Variants in KNL1 observed in about 807,000 individuals in gnomAD.
The protein encoded by KNL1 is outer kinetochore KNL1 complex subunit KNL1.
In KNL1, 66 loss-of-function variants were observed where a neutral mutation model predicts 201.3. The observed-to-expected ratio is 0.33, with a 90% CI of 0.27 to 0.40. The LOEUF is 0.40. KNL1 is among the 10% of genes least tolerant of loss of function. The pLI is 1.00. For synonymous variants in KNL1, 895 were observed against 899.2 expected (o/e 1.00, Z 0.08); for missense variants, 2,815 against 2,690.5 (o/e 1.05, Z -1.02).
chr15:40,630,621 A>G (rs906913307), intron 13 of KNL1, among the ~76,000 whole-genome samples: 3 of 152,104 alleles, frequency 2.0e-5, no homozygotes, highest in Non-Finnish European at 2.9e-5. Context: ...TCACAGAAGC[A>G]CGAACCCTAT....
Position 40,617,975 on chromosome 15 carries a change from T to TAAAAAAAAAAAAAA in KNL1, c.323-958_323-945dup, listed in dbSNP as rs71104706. On this transcript the variant is annotated intron_variant, in intron 8 of 25. Coordinates refer to ENST00000399668, the MANE Select transcript of KNL1 (RefSeq NM_144508.5). ...CCTGAAATATAAATAAGGCTTTTAG[T>TAAAAAAAAAAAAAA]AAAAAAAAAAAAAAAAAAAAAAAAA... Among the ~76,000 whole-genome samples the TAAAAAAAAAAAAAA allele has an allele frequency of 4.4e-4, 21 of 47,230 alleles. 3 individuals carry two copies. The highest frequency in any genetic ancestry group is 6.4e-4 in the Non-Finnish European group (19 of 29,534). The allele number at this position is 47,230 out of a possible 152,430, so 31.0% of individuals were successfully genotyped here.
At chr15:40,599,781 G>A (rs1326248863) in intron 1 of KNL1, among the ~76,000 whole-genome samples, 1 of 142,262 alleles carries the variant, frequency 7.0e-6, no homozygotes, top group East Asian at 2.1e-4. Flanking sequence ...ATATTAAACC[G>A]ATTATGTATT....
chr15:40,625,508 A>G lies in KNL1; in HGVS notation c.5244A>G (p.Pro1748=). 4.3e-6 allele frequency: 7 copies of G among 1,612,354 alleles called. No homozygotes were observed. The highest frequency in any genetic ancestry group is 5.9e-6 in the Non-Finnish European group (7 of 1,179,652). ...AGACATACCAAAAAGAGATTTCACC[A>G]TATGAAAATAAAATGGGAAAAACTT... ...LIETYQKEIS[P]YENKMGKTCN... The change falls in exon 10 of 26, where the codon CCA becomes CCG. Residue 1748 remains proline (P), a synonymous_variant. Transcript: ENST00000399668.
chr15:40,610,608 G>T (rs1892122533), intron 6 of KNL1, among the ~76,000 whole-genome samples: 1 of 152,060 alleles, frequency 6.6e-6, no homozygotes, highest in Non-Finnish European at 1.5e-5. Flanking sequence ...GAGGTGAGAG[G>T]ATCACTTGAG....
At chr15:40,636,760 G>A (rs1275536825) in intron 13 of KNL1, among the ~76,000 whole-genome samples, 2 of 152,142 alleles carry the variant, frequency 1.3e-5, no homozygotes, top group African/African-American at 4.8e-5. Context: ...GAACCCGGGA[G>A]ATGGAGGCTG....
intron 12 of KNL1, 126 bp from the exon 13 acceptor site, chr15:40,629,147 C>T (rs1892832361): frequency 1.9e-6 from 1 of 532,762 alleles, no homozygotes; most frequent in Non-Finnish European, 3.3e-6. Context: ...GTATAGCCTG[C>T]AGATATCTGG....
intron 13 of KNL1, among the ~76,000 whole-genome samples, chr15:40,631,295 G>T (rs967197715): frequency 2.0e-5 from 3 of 150,622 alleles, no homozygotes; most frequent in Non-Finnish European, 4.5e-5. Context: ...ACATAGTTGG[G>T]TAAAAAAAAA....
chr15:40,659,513 G>C (rs751157224), intron 25 of KNL1, 52 bp downstream of exon 25: 2 of 1,550,662 alleles, frequency 1.3e-6, no homozygotes, highest in Non-Finnish European at 1.8e-6. Flanking sequence ...TTTTTTTTGA[G>C]ATGGAGTCTG....
chr15:40,621,167 C>G lies in KNL1; in HGVS notation c.903C>G (p.Thr301=). The G allele has an allele frequency of 6.2e-7, 1 of 1,613,126 alleles. No individual in the cohort carries two copies. Among genetic ancestry groups the G allele is most frequent in the Non-Finnish European group, 8.5e-7 (1 of 1,179,548 alleles). The change falls in exon 10 of 26, where the codon ACC becomes ACG. Residue 301 remains threonine, a synonymous_variant. Coordinates refer to ENST00000399668, the MANE Select transcript of KNL1 (RefSeq NM_144508.5). The part of the protein sequence containing the change: ...IQTLIPTSSE[T]NSRESKGNDI... ...CATTGATTCCCACATCCAGTGAGAC[C>G]AACTCACGGGAATCTAAAGGTAATG...
rs759747134 is a variant in KNL1, at chr15:40,628,235, TAGC to T, written c.5515+31_5515+33del. The T allele has an allele frequency of 7.9e-5, 124 of 1,561,404 alleles. 3 individuals are homozygous for T. In the South Asian group the frequency reaches 1.4e-3, roughly 18 times the overall value. Reference sequence around the variant, plus strand: ...TAAGAGCTTCATGAAGGCTAAATAATAGCAGCCATCTGCTTACTTAACTAATAA... The same window carrying T: ...TAAGAGCTTCATGAAGGCTAAATAATAGCCATCTGCTTACTTAACTAATAA... On this transcript the variant is annotated intron_variant, in intron 11 of 25. Coordinates refer to ENST00000399668, the MANE Select transcript of KNL1 (RefSeq NM_144508.5).
intron 5 of KNL1, 131 bp from the exon 6 acceptor site, chr15:40,610,114 A>C: frequency 1.7e-6 from 1 of 579,362 alleles, no homozygotes; most frequent in Non-Finnish European, 3.1e-6. Context: ...TACTAGGAGT[A>C]TATGGCATAG....
chr15:40,617,028 A>C (rs953014876), intron 8 of KNL1, among the ~76,000 whole-genome samples: 5 of 152,146 alleles, frequency 3.3e-5, no homozygotes, highest in Admixed American at 1.3e-4. Flanking sequence ...GGCTCACTGC[A>C]ACCTCCGCCT....
At chr15:40,612,482 ACT>A (rs1892201146) in intron 7 of KNL1, among the ~76,000 whole-genome samples, 2 of 151,052 alleles carry the variant, frequency 1.3e-5, no homozygotes, top group Non-Finnish European at 2.9e-5. Flanking sequence ...GCAGAGCGAG[ACT>A]CTGTCTCCAA....
At position 40,647,128 on chromosome 15, in the gene KNL1, C is replaced by G; in HGVS notation, c.6094+54C>G. On this transcript the variant is annotated intron_variant, in intron 17 of 25. Coordinates refer to ENST00000399668, the MANE Select transcript of KNL1 (RefSeq NM_144508.5). ...GAAAATTTAATTTTATCTAAATGCT[C>G]TCCTACAGTAGAGAATGTTGGTACC... 8.2e-6 allele frequency: 7 copies of G among 854,050 alleles called. No individual in the cohort carries two copies. The South Asian group carries it at 9.4e-5, about 12-fold the overall frequency. 52.9% of individuals were successfully genotyped at this position (854,050 alleles called of 1,614,324 possible).
chr15:40,650,809 G>GAATA (rs1366541582), intron 19 of KNL1, among the ~76,000 whole-genome samples: 1 of 152,022 alleles, frequency 6.6e-6, no homozygotes, highest in African/African-American at 2.4e-5. Context: ...TCTCAAGCTT[G>GAATA]AATACTACCA....
Position 40,620,978 on chromosome 15 carries a change from T to C in KNL1, c.714T>C (p.Asn238=), listed in dbSNP as rs369516483. The C allele has an allele frequency of 2.5e-6, 4 of 1,605,146 alleles. No homozygotes were observed. The highest frequency in any genetic ancestry group is 3.4e-6 in the Non-Finnish European group (4 of 1,177,540). Residue 238 remains asparagine (N), a synonymous_variant, in exon 10 of 26, where the codon AAT becomes AAC. Transcript: ENST00000399668. The part of the protein sequence containing the change: ...SAFPDVPDKE[N]FEIPIYSKEP... ...TTCCTGATGTGCCTGATAAAGAAAA[T>C]TTTGAGATACCTATTTATTCCAAGG...
At chr15:40,657,330 G>A (rs1893765015) in intron 23 of KNL1, 25 bp from the exon 24 acceptor site, 1 of 1,418,060 alleles carries the variant, frequency 7.1e-7, no homozygotes, top group South Asian at 1.2e-5. Context: ...TAATTTCACT[G>A]GATTTTTTTT....
At chr15:40,616,194 GCTCA>G (rs989273622) in intron 8 of KNL1, among the ~76,000 whole-genome samples, 1 of 150,806 alleles carries the variant, frequency 6.6e-6, no homozygotes, top group Non-Finnish European at 1.5e-5. Context: ...TGCAATCTGG[GCTCA>G]CTGCAGCCTC....
At chr15:40,633,310 C>CA (rs35570214) in intron 13 of KNL1, among the ~76,000 whole-genome samples, 50,166 of 120,132 alleles carry the variant, frequency 0.42, 10,922 homozygotes, top group Non-Finnish European at 0.46. Context: ...AACTCTGTCT[C>CA]AAAAAAAAAA....
Sources: gnomAD v4.1 joint callset for allele counts (sites outside exome capture counted in the v4.1 genomes callset) on GRCh38, gnomAD v4.1.1 for gene constraint, MANE v1.5 for transcripts, NCBI Gene and HGNC (gene_info 2026-07-23, HGNC 2026-07-21) for gene names.